The following CARMIL1 variants were observed in gnomAD, a reference collection of about 807,000 sequenced individuals.
The protein encoded by CARMIL1 is capping protein regulator and myosin 1 linker 1, also known as F-actin-uncapping protein LRRC16A.
CARMIL1 carries 90 observed loss-of-function variants against 177.1 expected under a neutral mutation model. That is an observed-to-expected ratio of 0.51 (90% CI 0.43 to 0.61). The LOEUF (loss-of-function observed/expected upper bound fraction) is 0.61. Ranked by LOEUF, CARMIL1 falls within the 20% of genes least tolerant of loss-of-function variation. CARMIL1 has a pLI of 0.00. For missense variants in CARMIL1, 1,380 were observed against 1,667.0 expected, an observed-to-expected ratio of 0.83 and a Z score of 3.00; for synonymous variants, 577 against 606.2, an observed-to-expected ratio of 0.95 and a Z score of 0.71.
At chr6:25,548,846 C>A (rs971945501) in intron 26 of CARMIL1, among the ~76,000 whole-genome samples, 14 of 152,174 alleles carry the variant, frequency 9.2e-5, no homozygotes, top group African/African-American at 3.1e-4. Flanking sequence ...CTCCAGTGAC[C>A]AGCTGAGCAA....
At chr6:25,416,907 G>A (rs1486266707) in intron 2 of CARMIL1, among the ~76,000 whole-genome samples, 1 of 152,174 alleles carries the variant, frequency 6.6e-6, no homozygotes, top group African/African-American at 2.4e-5. Flanking sequence ...GTGGACCTAA[G>A]CTTTTTGGAA....
At chr6:25,354,359 T>G (rs867832466) in intron 2 of CARMIL1, among the ~76,000 whole-genome samples, 10 of 81,676 alleles carry the variant, frequency 1.2e-4, no homozygotes, top group Non-Finnish European at 2.2e-4. Flanking sequence ...TTTTTTTTTT[T>G]GTGGAGACAG....
chr6:25,601,393 A>C (rs1332350898), intron 33 of CARMIL1, among the ~76,000 whole-genome samples: 1 of 152,162 alleles, frequency 6.6e-6, no homozygotes, highest in African/African-American at 2.4e-5. Context: ...GGCCAGGTGA[A>C]ATGCTCACAT....
chr6:25,528,060 T>C (rs1807339581), intron 23 of CARMIL1, among the ~76,000 whole-genome samples: 1 of 152,252 alleles, frequency 6.6e-6, no homozygotes, highest in Non-Finnish European at 1.5e-5. Flanking sequence ...CTTGCATTTA[T>C]GTTAAATATG....
At chr6:25,501,904 C>G (rs1320232250) in intron 17 of CARMIL1, among the ~76,000 whole-genome samples, 1 of 147,070 alleles carries the variant, frequency 6.8e-6, no homozygotes, top group East Asian at 2.1e-4. Flanking sequence ...TCATTAGTTT[C>G]AAGCTGGAGT....
At chr6:25,362,650 G>A (rs1789339866) in intron 2 of CARMIL1, among the ~76,000 whole-genome samples, 1 of 152,010 alleles carries the variant, frequency 6.6e-6, no homozygotes, top group Non-Finnish European at 1.5e-5. Context: ...CTCCAGCCTG[G>A]GAAACAGAGA....
intron 36 of CARMIL1, among the ~76,000 whole-genome samples, chr6:25,617,091 C>G (rs903757964): frequency 2.0e-5 from 3 of 151,748 alleles, no homozygotes; most frequent in Admixed American, 6.6e-5. Flanking sequence ...TTTGACAGCC[C>G]TCTTGAAATA....
intron 2 of CARMIL1, among the ~76,000 whole-genome samples, chr6:25,412,139 T>G (rs1218975897): frequency 6.6e-6 from 1 of 152,212 alleles, no homozygotes; most frequent in African/African-American, 2.4e-5. Context: ...ACCTAAAATT[T>G]TATTATGATA....
intron 2 of CARMIL1, among the ~76,000 whole-genome samples, chr6:25,325,863 G>A (rs75302830): frequency 0.052 from 7,960 of 152,066 alleles, 308 homozygotes; most frequent in Non-Finnish European, 0.088. Flanking sequence ...AGCTGTGTAG[G>A]ATAGTCAGAT....
Position 25,515,798 on chromosome 6 carries a change from A to T in CARMIL1, c.1756A>T (p.Met586Leu), listed in dbSNP as rs762423364. 12 of 1,611,614 alleles carry T rather than the reference A, an allele frequency of 7.4e-6. No homozygotes were observed. Among genetic ancestry groups the T allele is most frequent in the South Asian group, 5.5e-5 (5 of 90,186 alleles). ...VDISGNGMGD[M>L]GAKMLAKALQ... is the part of the protein sequence containing the mutation. ...CATTAGCGGCAACGGAATGGGGGAC[A>T]TGGGAGCGAAGATGCTGGCCAAAGC... is the stretch of plus-strand genomic sequence containing the variant. Residue 586 changes from methionine to leucine, a missense_variant, in exon 21 of 37, where the codon ATG (methionine) becomes TTG (leucine). Physicochemically the swap from Met to Leu is conservative, Grantham distance 15. Coordinates refer to ENST00000329474, the MANE Select transcript of CARMIL1 (RefSeq NM_017640.6). This position sits in a 1 kb window ranked among gnomAD's most constrained non-coding sequence, Gnocchi z 5.0.
At chr6:25,450,256 C>T (rs1203165266) in intron 6 of CARMIL1, 83 bp from the exon 7 acceptor site, 1 of 946,000 alleles carries the variant, frequency 1.1e-6, no homozygotes, top group Non-Finnish European at 1.7e-6. Context: ...GCATTGTCAA[C>T]ATCGGCCATA....
intron 2 of CARMIL1, among the ~76,000 whole-genome samples, chr6:25,387,206 T>C (rs571671651): frequency 3.1e-4 from 47 of 151,970 alleles, no homozygotes; most frequent in African/African-American, 1.1e-3. Flanking sequence ...GTACAGACTA[T>C]ATGCATTTTT....
intron 2 of CARMIL1, among the ~76,000 whole-genome samples, chr6:25,344,394 G>C (rs1787284371): frequency 6.6e-6 from 1 of 152,024 alleles, no homozygotes; most frequent in Non-Finnish European, 1.5e-5. Context: ...TATCACCCTT[G>C]ACCCCTCAGG....
At chr6:25,589,425 T>C (rs1336458799) in intron 31 of CARMIL1, among the ~76,000 whole-genome samples, 1 of 152,224 alleles carries the variant, frequency 6.6e-6, no homozygotes, top group Non-Finnish European at 1.5e-5. Context: ...TCTGAATAAA[T>C]TGCAGTGTGG....
intron 1 of CARMIL1, among the ~76,000 whole-genome samples, chr6:25,283,330 A>G (rs1289444225): frequency 1.3e-5 from 2 of 152,216 alleles, no homozygotes; most frequent in Admixed American, 1.3e-4. Flanking sequence ...CAGTGGGCTG[A>G]TGGGTTAGAG....
At chr6:25,320,344 A>G (rs1047456311) in intron 2 of CARMIL1, among the ~76,000 whole-genome samples, 1 of 152,216 alleles carries the variant, frequency 6.6e-6, no homozygotes, top group East Asian at 1.9e-4. Context: ...TGAGGATTGT[A>G]TTTCCCAGGT....
chr6:25,345,221 T>G (rs1787384661), intron 2 of CARMIL1, among the ~76,000 whole-genome samples: 1 of 152,178 alleles, frequency 6.6e-6, no homozygotes, highest in African/African-American at 2.4e-5. Context: ...GTCCCCTCCA[T>G]GAAATACATT....
At chr6:25,596,655 AGT>A (rs1814880553) in intron 32 of CARMIL1, among the ~76,000 whole-genome samples, 1 of 152,172 alleles carries the variant, frequency 6.6e-6, no homozygotes, top group Non-Finnish European at 1.5e-5. Context: ...TGTGACCAGA[AGT>A]GTTTCAATAT....
intron 13 of CARMIL1, 44 bp downstream of exon 13, chr6:25,488,629 T>A: frequency 6.9e-7 from 1 of 1,443,098 alleles, no homozygotes; most frequent in Non-Finnish European, 9.8e-7. Flanking sequence ...AAGCTGTGTT[T>A]AATAAGCCTG....
Sources: gnomAD v4.1 joint callset for allele counts (sites outside exome capture counted in the v4.1 genomes callset) on GRCh38, gnomAD v4.1.1 for gene constraint, Gnocchi (gnomAD v3.1) non-coding constraint, MANE v1.5 for transcripts, NCBI Gene and HGNC (gene_info 2026-07-23, HGNC 2026-07-21) for gene names.